CBR4: variants seen among roughly 807,000 people sequenced by gnomAD.
CBR4 encodes the protein 3-oxoacyl-[acyl-carrier-protein] reductase.
Under a neutral mutation model 21.0 loss-of-function variants are expected in CBR4, and 22 were observed. That is an observed-to-expected ratio of 1.05 (90% confidence interval 0.75 to 1.50). The LOEUF (loss-of-function observed/expected upper bound fraction) is 1.50, where lower values mean the gene tolerates loss of function less well. CBR4 is among the 40% of genes most tolerant of loss of function. The pLI is 0.00. For synonymous variants in CBR4, 100 were observed against 104.4 expected, an observed-to-expected ratio of 0.96 and a Z score of 0.26; for missense variants, 302 against 286.3, an observed-to-expected ratio of 1.05 and a Z score of -0.40.
chr4:168,942,233 G>C (rs985401572), intron 2 of CBR4, among the ~76,000 whole-genome samples: 22 of 151,880 alleles, frequency 1.4e-4, no homozygotes, highest in South Asian at 6.2e-4. Flanking sequence ...GGGCCTGTTG[G>C]GGGGTGGGGA....
chr4:168,913,870 T>C, intron 2 of CBR4: 1 of 1,110,910 alleles, frequency 9.0e-7, no homozygotes, highest in South Asian at 1.2e-5. Context: ...GGCATGATAG[T>C]GCTTAGTGGT....
chr4:168,903,975 A>C, intron 2 of CBR4: 1 of 1,387,546 alleles, frequency 7.2e-7, no homozygotes, highest in Non-Finnish European at 1.0e-6. Context: ...TAGACAAAGG[A>C]ACTATTTAAA....
At position 168,988,486 on chromosome 4, in the gene CBR4, G is replaced by C. The variant is rs995903581; in HGVS notation, c.*1664C>G. The C allele has an allele frequency of 2.8e-5, 28 of 985,222 alleles. No homozygotes were observed. The highest frequency in any genetic ancestry group is 3.4e-5 in the Non-Finnish European group (28 of 829,924). The allele number at this position is 985,222 out of a possible 1,614,324, so 61.0% of individuals were successfully genotyped here. On this transcript the variant is annotated 3_prime_UTR_variant, in exon 5 of 5. Transcript: ENST00000306193. ...CAAGACTGAATGGGCTGCCATAATGGGGAAGTACAGGTAGCCAAAGGCCAG... is the reference window on the plus strand; with the variant it reads ...CAAGACTGAATGGGCTGCCATAATGCGGAAGTACAGGTAGCCAAAGGCCAG...
downstream of CBR4, among the ~76,000 whole-genome samples, chr4:168,986,586 A>G (rs992503351): frequency 1.3e-5 from 2 of 152,134 alleles, no homozygotes; most frequent in Admixed American, 6.5e-5. Flanking sequence ...TATTACTAGC[A>G]GTGTTACATA....
chr4:168,974,850 C>G lies in CBR4; in HGVS notation n.169+27221G>C, dbSNP rs548359907. ...TCTTTAAGTCGGTTTTCACCTTCCT[C>G]TGGTATCTCCTTGAGTAGCTTAAAT... On this transcript the variant is annotated intron_variant and non_coding_transcript_variant, in intron 2 of 3. Coordinates refer to the CBR4 transcript ENST00000509108. 6.6e-5 allele frequency among the ~76,000 whole-genome samples: 10 copies of G among 152,164 alleles called. No individual in the cohort carries two copies. In the East Asian group the frequency reaches 1.9e-3, roughly 29 times the overall value.
intron 2 of CBR4, among the ~76,000 whole-genome samples, chr4:168,940,192 G>T (rs536763187): frequency 1.3e-5 from 2 of 152,294 alleles, no homozygotes; most frequent in African/African-American, 4.8e-5. Flanking sequence ...AATGGGGAAA[G>T]AATTCCTTAT....
intron 2 of CBR4, among the ~76,000 whole-genome samples, chr4:168,975,163 T>C (rs1301127924): frequency 1.3e-5 from 2 of 152,150 alleles, no homozygotes; most frequent in South Asian, 2.1e-4. Flanking sequence ...ACTGCAGTGA[T>C]TGTTACTGCC....
At chr4:168,984,617 A>C (rs907164067), downstream of CBR4, among the ~76,000 whole-genome samples, 78 of 152,172 alleles carry the variant, frequency 5.1e-4, no homozygotes, top group Admixed American at 1.9e-3. Flanking sequence ...AATCCTAAGC[A>C]AAAAGAACAA....
intron 2 of CBR4, among the ~76,000 whole-genome samples, chr4:168,933,277 C>T (rs1763017394): frequency 6.6e-6 from 1 of 152,000 alleles, no homozygotes; most frequent in African/African-American, 2.4e-5. Flanking sequence ...ACTCACCTCA[C>T]CTGTAAAAGA....
chr4:168,912,944 C>T (rs1216951832), intron 2 of CBR4, among the ~76,000 whole-genome samples: 5 of 151,868 alleles, frequency 3.3e-5, no homozygotes, highest in Non-Finnish European at 5.9e-5. Context: ...TTACATAGGC[C>T]CTTATCATAT....
intron 2 of CBR4, chr4:168,914,067 T>TAG: frequency 9.0e-7 from 1 of 1,109,452 alleles, no homozygotes; most frequent in Non-Finnish European, 1.4e-6. Context: ...ATTTTATTTA[T>TAG]TACTATAAAT....
At chr4:168,954,251 T>C (rs1763623943) in intron 2 of CBR4, among the ~76,000 whole-genome samples, 1 of 152,206 alleles carries the variant, frequency 6.6e-6, no homozygotes, top group South Asian at 2.1e-4. Context: ...CTTAAGACAA[T>C]GAAACAATTC....
At chr4:168,946,973 A>G (rs1368261583) in intron 2 of CBR4, among the ~76,000 whole-genome samples, 3 of 152,194 alleles carry the variant, frequency 2.0e-5, no homozygotes, top group Admixed American at 2.0e-4. Context: ...ACAGATACAG[A>G]AAACCACATA....
chr4:168,977,863 T>C (rs970957255), intron 2 of CBR4, among the ~76,000 whole-genome samples: 6 of 152,210 alleles, frequency 3.9e-5, no homozygotes, highest in Non-Finnish European at 8.8e-5. Context: ...CTAAATCTCA[T>C]TTGACCACTT....
intron 2 of CBR4, among the ~76,000 whole-genome samples, chr4:168,971,436 ATT>A (rs70961566): frequency 0.41 from 46,319 of 114,344 alleles, 9,379 homozygotes; most frequent in East Asian, 0.8. Flanking sequence ...TGCCCAGCTC[ATT>A]TTTTTTTTTT....
At chr4:169,004,273 ATT>A (rs920778514) in intron 3 of CBR4, among the ~76,000 whole-genome samples, 5 of 151,950 alleles carry the variant, frequency 3.3e-5, no homozygotes, top group Admixed American at 6.6e-5. Flanking sequence ...AAGTATTTAC[ATT>A]TTTTTTAGAT....
At chr4:168,965,069 A>G (rs369652589) in intron 2 of CBR4, among the ~76,000 whole-genome samples, 2 of 152,312 alleles carry the variant, frequency 1.3e-5, no homozygotes, top group Middle Eastern at 3.4e-3. Flanking sequence ...AAGTCTCAGG[A>G]TACAAAATCA....
At chr4:168,956,982 A>C (rs2126716551) in intron 2 of CBR4, among the ~76,000 whole-genome samples, 1 of 152,340 alleles carries the variant, frequency 6.6e-6, no homozygotes, top group African/African-American at 2.4e-5. Context: ...AATTCCAGTA[A>C]AGATATACAT....
chr4:168,987,804 TC>T lies in CBR4; in HGVS notation c.*2345del. 4 of 981,752 alleles carry T rather than the reference TC, an allele frequency of 4.1e-6. No homozygotes were observed. Among genetic ancestry groups the T allele is most frequent in the Non-Finnish European group, 4.8e-6 (4 of 826,906 alleles). The allele number at this position is 981,752 out of a possible 1,614,324, so 60.8% of individuals were successfully genotyped here. ...TAAATTATCCTCTTTGCACAATTATTCCCCCCAAAACTAATTTATAACATAT... is the reference window on the plus strand; with the variant it reads ...TAAATTATCCTCTTTGCACAATTATTCCCCCAAAACTAATTTATAACATAT... On this transcript the variant is annotated 3_prime_UTR_variant, in exon 5 of 5. Coordinates refer to ENST00000306193, the MANE Select transcript of CBR4 (RefSeq NM_032783.5).
Sources: allele counts gnomAD v4.1 joint callset (sites outside exome capture counted in the v4.1 genomes callset), GRCh38; gene constraint gnomAD v4.1.1; transcripts MANE v1.5; gene names NCBI Gene and HGNC (gene_info 2026-07-23, HGNC 2026-07-21).